SEZ6L: variants seen among roughly 807,000 people sequenced by gnomAD.
SEZ6L encodes the protein seizure related 6 homolog like.
Under a neutral mutation model 106.2 loss-of-function variants are expected in SEZ6L, and 37 were observed. That is an observed-to-expected ratio of 0.35 (90% CI 0.27 to 0.46). SEZ6L has a LOEUF of 0.46. Among genes scored for constraint, SEZ6L ranks in the 20% least tolerant of loss-of-function variants. SEZ6L has a pLI of 1.00. For synonymous variants in SEZ6L, 541 were observed against 570.4 expected, an observed-to-expected ratio of 0.95 and a Z score of 0.73; for missense variants, 1,172 against 1,332.8, an observed-to-expected ratio of 0.88 and a Z score of 1.88.
chr22:26,332,145 A>ATT (rs2082499381), intron 9 of SEZ6L, among the ~76,000 whole-genome samples: 1 of 121,702 alleles, frequency 8.2e-6, no homozygotes, highest in African/African-American at 3.2e-5. Context: ...AGGATTTTCA[A>ATT]TGTTTTTTTT....
At chr22:26,210,062 T>C (rs1470106563) in intron 1 of SEZ6L, among the ~76,000 whole-genome samples, 1 of 151,476 alleles carries the variant, frequency 6.6e-6, no homozygotes, top group East Asian at 2.0e-4. Flanking sequence ...CCATGCACTA[T>C]GTTAGCAAAA....
intron 1 of SEZ6L, among the ~76,000 whole-genome samples, chr22:26,231,694 T>C (rs1208963081): frequency 1.3e-5 from 2 of 152,206 alleles, no homozygotes; most frequent in Admixed American, 1.3e-4. Flanking sequence ...AGACAGATCA[T>C]TCATCACCCG....
chr22:26,248,296 G>C (rs976008391), intron 1 of SEZ6L, among the ~76,000 whole-genome samples: 8 of 152,198 alleles, frequency 5.3e-5, no homozygotes. Context: ...ATTGGAATGA[G>C]ATTAAGGATA....
In SEZ6L at chr22:26,373,495, A is replaced by G. The variant is rs763154832; in HGVS notation, c.2827+12A>G. On this transcript the variant is annotated intron_variant, in intron 14 of 16. Transcript: ENST00000248933. ...ACATGCTTTAGAAGGTGAGTTCCAGAACGAAAAAAAAAAAAGTTCAATAAA... is the reference window on the plus strand; with the variant it reads ...ACATGCTTTAGAAGGTGAGTTCCAGGACGAAAAAAAAAAAAGTTCAATAAA... 9 of 1,553,608 alleles carry G rather than the reference A, an allele frequency of 5.8e-6. No individual in the cohort carries two copies. The highest frequency in any genetic ancestry group is 4.9e-5 in the East Asian group (2 of 40,608).
intron 5 of SEZ6L, among the ~76,000 whole-genome samples, chr22:26,299,492 G>C (rs192081465): frequency 6.6e-6 from 1 of 151,978 alleles, no homozygotes; most frequent in African/African-American, 2.4e-5. Context: ...CCCCACACTC[G>C]CTGGCAACCA....
intron 1 of SEZ6L, among the ~76,000 whole-genome samples, chr22:26,198,598 GT>G (rs1940733962): frequency 6.6e-6 from 1 of 152,240 alleles, no homozygotes; most frequent in South Asian, 2.1e-4. Flanking sequence ...GCATTGGCAG[GT>G]TTGGTGTCTG....
At chr22:26,355,505 G>T (rs1265953667) in intron 12 of SEZ6L, among the ~76,000 whole-genome samples, 1 of 152,162 alleles carries the variant, frequency 6.6e-6, no homozygotes, top group African/African-American at 2.4e-5. Flanking sequence ...GAGGCAGGAG[G>T]ATCACTTGCG....
At chr22:26,228,927 G>A (rs1204468080) in intron 1 of SEZ6L, among the ~76,000 whole-genome samples, 1 of 152,164 alleles carries the variant, frequency 6.6e-6, no homozygotes, top group African/African-American at 2.4e-5. Flanking sequence ...TGCTCTTGAG[G>A]GATTACCTAT....
At chr22:26,272,252 A>G (rs1340837890) in intron 1 of SEZ6L, among the ~76,000 whole-genome samples, 1 of 152,226 alleles carries the variant, frequency 6.6e-6, no homozygotes, top group Non-Finnish European at 1.5e-5. Flanking sequence ...TATTTGAGGA[A>G]TTTCATCAAG....
At chr22:26,349,198 A>G (rs952859238) in intron 11 of SEZ6L, among the ~76,000 whole-genome samples, 4 of 152,234 alleles carry the variant, frequency 2.6e-5, no homozygotes, top group East Asian at 1.9e-4. Flanking sequence ...AGACCCACCA[A>G]TCACCTCTGT....
In SEZ6L at chr22:26,381,864, A is replaced by G; in HGVS notation, c.*1569A>G. On this transcript the variant is annotated 3_prime_UTR_variant, in exon 17 of 17. Coordinates refer to ENST00000248933, the MANE Select transcript of SEZ6L (RefSeq NM_021115.5). The stretch of plus-strand genomic sequence containing the variant: ...TTGGAACCCTCTTTGGTGCCCTCCC[A>G]TTCTCTCTGGAATTGTTTCAAGTCT... 1 of 375,086 alleles carries G rather than the reference A, an allele frequency of 2.7e-6. No homozygotes were observed. The allele number at this position is 375,086 out of a possible 1,614,324, so 23.2% of individuals were successfully genotyped here.
intron 1 of SEZ6L, among the ~76,000 whole-genome samples, chr22:26,266,334 G>A (rs2080177603): frequency 6.6e-6 from 1 of 151,878 alleles, no homozygotes; most frequent in Non-Finnish European, 1.5e-5. Flanking sequence ...GCCAAGGCGG[G>A]TGGATCACGA....
chr22:26,179,018 G>C (rs1939210414), intron 1 of SEZ6L, among the ~76,000 whole-genome samples: 1 of 152,154 alleles, frequency 6.6e-6, no homozygotes, highest in East Asian at 1.9e-4. Context: ...TCTGCTGATG[G>C]TATTAGCAGT....
rs1013537110 is a variant in SEZ6L at position 26,368,756 on chromosome 22, AC to A, written c.2794+3191del. Among the ~76,000 whole-genome samples the A allele has an allele frequency of 1.4e-3, 215 of 151,878 alleles. 1 individual carries two copies. The highest frequency in any genetic ancestry group is 5.0e-3 in the African/African-American group (208 of 41,386). ...GAATTTTATCTACCTAAAAAAAAAAACAATTCCCCTGAATCACCTCTGTTAA... is the reference window on the plus strand; with the variant it reads ...GAATTTTATCTACCTAAAAAAAAAAAAATTCCCCTGAATCACCTCTGTTAA... On this transcript the variant is annotated intron_variant, in intron 13 of 16. Coordinates refer to ENST00000248933, the MANE Select transcript of SEZ6L (RefSeq NM_021115.5).
chr22:26,355,590 C>A (rs2083413560), intron 12 of SEZ6L, among the ~76,000 whole-genome samples: 3 of 152,096 alleles, frequency 2.0e-5, no homozygotes, highest in Admixed American at 6.5e-5. Flanking sequence ...ATTAGCCAGA[C>A]TTGATGGTGA....
intron 8 of SEZ6L, among the ~76,000 whole-genome samples, chr22:26,312,770 A>T (rs567472703): frequency 6.6e-6 from 1 of 152,320 alleles, no homozygotes; most frequent in South Asian, 2.1e-4. Context: ...GGGTTTCACC[A>T]TATCAGCCAG....
intron 1 of SEZ6L, among the ~76,000 whole-genome samples, chr22:26,205,347 G>T (rs949765552): frequency 2.0e-5 from 3 of 152,174 alleles, no homozygotes; most frequent in African/African-American, 7.2e-5. Context: ...GACATCAGTT[G>T]TTACTAGTTC....
At chr22:26,225,451 G>A (rs1406906302) in intron 1 of SEZ6L, among the ~76,000 whole-genome samples, 1 of 152,126 alleles carries the variant, frequency 6.6e-6, no homozygotes, top group African/African-American at 2.4e-5. Flanking sequence ...GAAAGAGGGT[G>A]GGGGGATTTT....
At chr22:26,315,962 G>T (rs1191487371) in intron 9 of SEZ6L, among the ~76,000 whole-genome samples, 2 of 151,988 alleles carry the variant, frequency 1.3e-5, no homozygotes, top group Non-Finnish European at 2.9e-5. Context: ...GGCTCAGGTG[G>T]GACAATTACT....
Sources: allele counts gnomAD v4.1 joint callset (sites outside exome capture counted in the v4.1 genomes callset), GRCh38; gene constraint gnomAD v4.1.1; transcripts MANE v1.5; gene names NCBI Gene and HGNC (gene_info 2026-07-23, HGNC 2026-07-21).